Variants in WBP2NL observed in about 807,000 individuals in gnomAD.
The protein encoded by WBP2NL is WBP2 N-terminal like.
WBP2NL carries 27 observed loss-of-function variants against 23.3 expected under a neutral mutation model. That is an observed-to-expected ratio of 1.16 (90% confidence interval 0.85 to 1.60). WBP2NL has a LOEUF of 1.60. WBP2NL is among the 40% of genes most tolerant of loss of function. The probability of loss-of-function intolerance (pLI) is 0.00; values close to 1 mark genes in which losing one functional copy is unlikely to be tolerated. For missense variants in WBP2NL, 370 were observed against 389.5 expected (o/e 0.95, Z 0.42); for synonymous variants, 151 against 145.9 (o/e 1.03, Z -0.25).
At chr22:42,034,902 G>A (rs1010285493), downstream of WBP2NL, among the ~76,000 whole-genome samples, 1 of 152,182 alleles carries the variant, frequency 6.6e-6, no homozygotes, top group African/African-American at 2.4e-5. Context: ...AACAATTGCT[G>A]TTATCCTGTT....
At chr22:42,035,003 G>A (rs149376260), downstream of WBP2NL, among the ~76,000 whole-genome samples, 7,666 of 152,172 alleles carry the variant, frequency 0.05, 665 homozygotes, top group African/African-American at 0.17. Context: ...GTCCTGAGAC[G>A]ATACACATCC....
chr22:42,024,623 A>G (rs778454483), intron 5 of WBP2NL, among the ~76,000 whole-genome samples: 3 of 152,066 alleles, frequency 2.0e-5, no homozygotes, highest in Admixed American at 1.3e-4. Flanking sequence ...TGTGCTTTTT[A>G]TATACCTTAA....
chr22:42,031,939 A>T (rs1156741176), downstream of WBP2NL: 1 of 151,734 alleles, frequency 6.6e-6, no homozygotes, highest in Non-Finnish European at 1.5e-5. Context: ...CAAGTGATCC[A>T]CCCGCCTCGG....
intron 1 of WBP2NL, among the ~76,000 whole-genome samples, chr22:42,012,968 G>A (rs1922960400): frequency 6.6e-6 from 1 of 151,592 alleles, no homozygotes; most frequent in South Asian, 2.1e-4. Flanking sequence ...CTCCAGTTTG[G>A]GCAATGGAGC....
chr22:42,057,884 TA>T, intron 8 of WBP2NL, among the ~76,000 whole-genome samples: 2 of 21,948 alleles, frequency 9.1e-5, no homozygotes, highest in Non-Finnish European at 2.1e-4. Context: ...TATATATATA[TA>T]TATATATATA....
chr22:42,027,863 C>T lies in WBP2NL; in HGVS notation c.*682C>T, dbSNP rs886143598. On this transcript the variant is annotated 3_prime_UTR_variant, in exon 6 of 6. Coordinates refer to ENST00000328823, the MANE Select transcript of WBP2NL (RefSeq NM_152613.3). The stretch of plus-strand genomic sequence containing the variant: ...ACGTGAATAACTACAAATCAATTCT[C>T]CCCAAAATGACAGAAATATGAATTG... 1.3e-5 allele frequency: 5 copies of T among 397,820 alleles called. No individual in the cohort carries two copies. The highest frequency in any genetic ancestry group is 2.2e-5 in the Non-Finnish European group (5 of 225,908). 24.6% of individuals were successfully genotyped at this position (397,820 alleles called of 1,614,324 possible).
intron 1 of WBP2NL, among the ~76,000 whole-genome samples, chr22:41,999,457 A>G (rs1304195149): frequency 1.3e-5 from 2 of 152,180 alleles, no homozygotes; most frequent in Non-Finnish European, 2.9e-5. Flanking sequence ...CCTTGCTCCA[A>G]CCAGGGAGAT....
Position 42,016,964 on chromosome 22 carries a change from TA to T in WBP2NL, c.63-2345del, listed in dbSNP as rs574931504. Among the ~76,000 whole-genome samples the T allele has an allele frequency of 7.9e-5, 12 of 152,304 alleles. No individual in the cohort carries two copies. The East Asian group carries it at 2.3e-3, about 29-fold the overall frequency. On this transcript the variant is annotated intron_variant, in intron 1 of 5. Coordinates refer to ENST00000328823, the MANE Select transcript of WBP2NL (RefSeq NM_152613.3). ...TCCAACTTTGTTTCACTGTTTCTCC[TA>T]ACCTCACTTCCACACTGTGTTTTGA...
At chr22:42,001,931 G>C (rs1921743797) in intron 1 of WBP2NL, 18 of 1,443,968 alleles carry the variant, frequency 1.2e-5, no homozygotes, top group Non-Finnish European at 1.6e-5. Flanking sequence ...CACCTGCCAG[G>C]GAGTCCTTGG....
intron 5 of WBP2NL, among the ~76,000 whole-genome samples, chr22:42,024,466 A>G (rs1924287873): frequency 1.3e-5 from 2 of 152,052 alleles, no homozygotes; most frequent in Non-Finnish European, 2.9e-5. Context: ...AAGTGTTCCT[A>G]TTTCTACACA....
In WBP2NL at chr22:42,027,491, G is replaced by A. The variant is rs907764121; in HGVS notation, c.*310G>A. 8.7e-6 allele frequency: 3 copies of A among 346,406 alleles called. No individual in the cohort carries two copies. The highest frequency in any genetic ancestry group is 1.6e-5 in the Non-Finnish European group (3 of 192,226). The allele number at this position is 346,406 out of a possible 1,614,324, so 21.5% of individuals were successfully genotyped here. On this transcript the variant is annotated 3_prime_UTR_variant, in exon 6 of 6. Coordinates refer to ENST00000328823, the MANE Select transcript of WBP2NL (RefSeq NM_152613.3). Reference sequence around the variant, plus strand: ...TTCCACACTCGCATTCAAGGTTCCTGTCTTCCCATCCTCATTCAAGAAACA... The same window carrying A: ...TTCCACACTCGCATTCAAGGTTCCTATCTTCCCATCCTCATTCAAGAAACA...
At chr22:42,044,529 A>G (rs1309343038) in intron 8 of WBP2NL, among the ~76,000 whole-genome samples, 1 of 152,232 alleles carries the variant, frequency 6.6e-6, no homozygotes, top group Non-Finnish European at 1.5e-5. Flanking sequence ...TTGGCTAGGT[A>G]CAGTGGCTCA....
intron 4 of WBP2NL, among the ~76,000 whole-genome samples, chr22:42,020,348 G>A (rs538321937): frequency 1.3e-5 from 2 of 152,074 alleles, no homozygotes; most frequent in South Asian, 2.1e-4. Context: ...CCCACTTTGG[G>A]GTTTTAAGGC....
At chr22:42,008,126 C>CCTTTG (rs1922447320) in intron 1 of WBP2NL, among the ~76,000 whole-genome samples, 2 of 113,378 alleles carry the variant, frequency 1.8e-5, no homozygotes, top group Admixed American at 9.1e-5. Context: ...CCTTTGCTTT[C>CCTTTG]CTTTCCTTTC....
intron 1 of WBP2NL, among the ~76,000 whole-genome samples, chr22:42,007,792 A>G (rs1426683035): frequency 6.6e-6 from 1 of 152,188 alleles, no homozygotes; most frequent in Non-Finnish European, 1.5e-5. Flanking sequence ...TTGTTTATCC[A>G]TTCATGCACT....
intron 8 of WBP2NL, among the ~76,000 whole-genome samples, chr22:42,057,826 C>CAT (rs3045495): frequency 0.054 from 5,254 of 97,994 alleles, 369 homozygotes; most frequent in African/African-American, 0.17. Context: ...GTATTAAGGT[C>CAT]ATATATATAT....
chr22:42,053,804 T>C (rs1242211127), intron 8 of WBP2NL, among the ~76,000 whole-genome samples: 1 of 152,208 alleles, frequency 6.6e-6, no homozygotes, highest in Non-Finnish European at 1.5e-5. Flanking sequence ...TGTATAACTC[T>C]TTGGAGATAT....
chr22:42,045,703 T>C (rs1490207851), intron 8 of WBP2NL, among the ~76,000 whole-genome samples: 1 of 152,186 alleles, frequency 6.6e-6, no homozygotes, highest in African/African-American at 2.4e-5. Flanking sequence ...TTTTAAAAAT[T>C]GAGTCAATAA....
intron 1 of WBP2NL, chr22:42,001,771 C>T (rs573478388): frequency 4.1e-5 from 50 of 1,206,338 alleles, no homozygotes; most frequent in South Asian, 7.7e-5. Flanking sequence ...GACAGGACTC[C>T]GTGCTCCTTG....
Sources: gnomAD v4.1 joint callset for allele counts (sites outside exome capture counted in the v4.1 genomes callset) on GRCh38, gnomAD v4.1.1 for gene constraint, MANE v1.5 for transcripts, NCBI Gene and HGNC (gene_info 2026-07-23, HGNC 2026-07-21) for gene names.